FRMD3: variants seen among roughly 807,000 people sequenced by gnomAD.
The protein encoded by FRMD3 is FERM domain-containing protein 3.
In FRMD3, 33 loss-of-function variants were observed where a neutral mutation model predicts 70.2. The observed-to-expected ratio is 0.47, with a 90% CI of 0.36 to 0.63. The LOEUF (loss-of-function observed/expected upper bound fraction) is 0.63. FRMD3 is among the 20% of genes least tolerant of loss of function. The pLI is 0.00. For missense variants in FRMD3, 632 were observed against 711.4 expected (o/e 0.89, Z 1.27); for synonymous variants, 279 against 255.9 (o/e 1.09, Z -0.86).
At chr9:83,298,228 A>G (rs1834756740) in intron 12 of FRMD3, among the ~76,000 whole-genome samples, 1 of 152,234 alleles carries the variant, frequency 6.6e-6, no homozygotes, top group African/African-American at 2.4e-5. Flanking sequence ...GAAGTCCAAC[A>G]TGGCAAGAGA....
intron 13 of FRMD3, among the ~76,000 whole-genome samples, chr9:83,268,176 C>T (rs1833364896): frequency 6.6e-6 from 1 of 152,226 alleles, no homozygotes; most frequent in Non-Finnish European, 1.5e-5. Context: ...ACAATTTCAA[C>T]ACGCCTGCAT....
chr9:83,461,032 A>G (rs929820183), intron 1 of FRMD3, among the ~76,000 whole-genome samples: 2 of 152,112 alleles, frequency 1.3e-5, no homozygotes, highest in Non-Finnish European at 2.9e-5. Flanking sequence ...AAGTGCACCA[A>G]TAGGGTCAGA....
chr9:83,334,322 G>C (rs1823503349), intron 6 of FRMD3, among the ~76,000 whole-genome samples: 1 of 152,154 alleles, frequency 6.6e-6, no homozygotes, highest in South Asian at 2.1e-4. Context: ...ACAATGTTTT[G>C]ATGTCTAATC....
intron 3 of FRMD3, 43 bp from the exon 4 acceptor site, chr9:83,349,800 A>T (rs1353724490): frequency 2.0e-6 from 3 of 1,469,328 alleles, no homozygotes; most frequent in Non-Finnish European, 2.8e-6. Context: ...GCAGCAAAAG[A>T]CCATGGCCTC....
In FRMD3 at chr9:83,489,015, T is replaced by TGCGC. The variant is rs1554711660; in HGVS notation, c.147+49069_147+49070insGCGC. On this transcript the variant is annotated intron_variant, in intron 1 of 13. Coordinates refer to ENST00000304195, the MANE Select transcript of FRMD3 (RefSeq NM_174938.6). ...GTGTGTGTGTGTGTGTGTGTGTGTG[T>TGCGC]GCTTGTGTGTGCGCACCTACACATG... 9.9e-5 allele frequency among the ~76,000 whole-genome samples: 13 copies of TGCGC among 131,706 alleles called. No homozygotes were observed. In the South Asian group the frequency reaches 1.9e-3, roughly 19 times the overall value. The allele number at this position is 131,706 out of a possible 152,430, so 86.4% of individuals were successfully genotyped here. A position where few individuals can be genotyped will look rare whatever the true frequency, so the allele number is the denominator to read the frequency against.
At chr9:83,459,575 G>A (rs1341292313) in intron 1 of FRMD3, among the ~76,000 whole-genome samples, 1 of 152,214 alleles carries the variant, frequency 6.6e-6, no homozygotes, top group Non-Finnish European at 1.5e-5. Context: ...ACAAGTGCAG[G>A]AGAATGAACA....
At chr9:83,444,220 T>C (rs993481847) in intron 1 of FRMD3, among the ~76,000 whole-genome samples, 2 of 152,312 alleles carry the variant, frequency 1.3e-5, no homozygotes, top group Admixed American at 6.5e-5. Context: ...ACATGGGAGA[T>C]GCGGGCTAGA....
chr9:83,448,863 G>A (rs757572087), intron 1 of FRMD3, among the ~76,000 whole-genome samples: 20 of 152,206 alleles, frequency 1.3e-4, no homozygotes, highest in Non-Finnish European at 1.9e-4. Context: ...TGTTACGGTT[G>A]GAAGAAGTCA....
At chr9:83,293,156 A>G (rs1834514345) in intron 12 of FRMD3, among the ~76,000 whole-genome samples, 1 of 152,156 alleles carries the variant, frequency 6.6e-6, no homozygotes, top group Admixed American at 6.5e-5. Context: ...GTAGATAGAG[A>G]AATCTTTACA....
the FRMD3 span, among the ~76,000 whole-genome samples, chr9:83,560,833 C>CT: frequency 6.6e-6 from 1 of 152,196 alleles, no homozygotes; most frequent in African/African-American, 2.4e-5. Flanking sequence ...AGCCACCCAG[C>CT]TTTGATAACC....
At chr9:83,515,061 C>T (rs951564090) in intron 1 of FRMD3, among the ~76,000 whole-genome samples, 7 of 152,128 alleles carry the variant, frequency 4.6e-5, no homozygotes, top group Non-Finnish European at 1.0e-4. Flanking sequence ...CTCTTCTCTT[C>T]AAAAAGGATC....
chr9:83,485,215 G>A (rs10746710), intron 1 of FRMD3, among the ~76,000 whole-genome samples: 28,838 of 152,084 alleles, frequency 0.19, 3,466 homozygotes, highest in African/African-American at 0.34. Flanking sequence ...GTAGAATTCC[G>A]TGTACTTATA....
At chr9:83,373,441 C>T (rs963943880) in intron 2 of FRMD3, among the ~76,000 whole-genome samples, 5 of 152,278 alleles carry the variant, frequency 3.3e-5, no homozygotes, top group Middle Eastern at 3.4e-3. Flanking sequence ...TATGCAGAGG[C>T]AATTCTTCCT....
intron 1 of FRMD3, among the ~76,000 whole-genome samples, chr9:83,423,845 C>T (rs1337862922): frequency 6.6e-6 from 1 of 151,992 alleles, no homozygotes; most frequent in Non-Finnish European, 1.5e-5. Context: ...ATCCACTTGC[C>T]GCTGCCTCCC....
At chr9:83,414,346 TC>T (rs1264985313) in intron 1 of FRMD3, among the ~76,000 whole-genome samples, 1 of 152,068 alleles carries the variant, frequency 6.6e-6, no homozygotes, top group Non-Finnish European at 1.5e-5. Flanking sequence ...CCAAGATAGA[TC>T]ATCGACATCA....
chr9:83,342,114 A>G (rs895284829), intron 5 of FRMD3, among the ~76,000 whole-genome samples: 22 of 147,046 alleles, frequency 1.5e-4, no homozygotes, highest in African/African-American at 5.4e-4. Flanking sequence ...CATGTCATTA[A>G]TGTTCATGCT....
At chr9:83,432,284 G>T (rs1246042968) in intron 1 of FRMD3, among the ~76,000 whole-genome samples, 1 of 152,202 alleles carries the variant, frequency 6.6e-6, no homozygotes, top group Non-Finnish European at 1.5e-5. Flanking sequence ...CACTTCTACA[G>T]CTCTGGCCTT....
At chr9:83,489,046 ATGTGTGTG>A (rs1392154705) in intron 1 of FRMD3, among the ~76,000 whole-genome samples, 1 of 127,348 alleles carries the variant, frequency 7.9e-6, no homozygotes, top group Non-Finnish European at 1.7e-5. Context: ...ACATGTGTGT[ATGTGTGTG>A]TTTAAAATGA....
chr9:83,501,916 C>G (rs1469746352), intron 1 of FRMD3, among the ~76,000 whole-genome samples: 1 of 152,218 alleles, frequency 6.6e-6, no homozygotes, highest in African/African-American at 2.4e-5. Flanking sequence ...ATGCATTTAC[C>G]TCCTCCTTTC....
Sources: gnomAD v4.1 joint callset for allele counts (sites outside exome capture counted in the v4.1 genomes callset) on GRCh38, gnomAD v4.1.1 for gene constraint, MANE v1.5 for transcripts, NCBI Gene and HGNC (gene_info 2026-07-23, HGNC 2026-07-21) for gene names.